Variants in DLG2 observed in about 807,000 individuals in gnomAD.
The protein encoded by DLG2 is disks large homolog 2.
Under a neutral mutation model 132.5 loss-of-function variants are expected in DLG2, and 45 were observed. The ratio of observed to expected loss-of-function variants is 0.34; its 90% CI spans 0.27 to 0.44. The LOEUF is 0.44. DLG2 is among the 20% of genes least tolerant of loss of function. The pLI is 1.00. For missense variants in DLG2, 1,045 were observed against 1,196.9 expected, an observed-to-expected ratio of 0.87 and a Z score of 1.87; for synonymous variants, 424 against 419.6, an observed-to-expected ratio of 1.01 and a Z score of -0.13.
chr11:83,849,342 A>AT (rs1413263568), intron 16 of DLG2, among the ~76,000 whole-genome samples: 1 of 148,674 alleles, frequency 6.7e-6, no homozygotes, highest in African/African-American at 2.4e-5. Flanking sequence ...TAAATAATAA[A>AT]CAAATAAAAA....
chr11:85,583,991 T>C (rs2078797003), intron 3 of DLG2, among the ~76,000 whole-genome samples: 1 of 152,172 alleles, frequency 6.6e-6, no homozygotes, highest in African/African-American at 2.4e-5. Flanking sequence ...ATCCAGTTTA[T>C]TTTTTTCTAA....
chr11:84,969,412 T>C (rs185945254), intron 6 of DLG2, among the ~76,000 whole-genome samples: 432 of 152,304 alleles, frequency 2.8e-3, no homozygotes, highest in Non-Finnish European at 4.5e-3. Context: ...GTGGCTCTCA[T>C]TCTCTTCTCT....
intron 6 of DLG2, among the ~76,000 whole-genome samples, chr11:85,013,660 T>C (rs1413086312): frequency 6.6e-6 from 1 of 152,110 alleles, no homozygotes; most frequent in Non-Finnish European, 1.5e-5. Flanking sequence ...AATCTTCAAA[T>C]ATAGAAGGAA....
intron 16 of DLG2, among the ~76,000 whole-genome samples, chr11:83,836,684 A>G (rs1277369501): frequency 6.6e-6 from 1 of 152,188 alleles, no homozygotes; most frequent in East Asian, 1.9e-4. Context: ...GGTAGATATC[A>G]TGGGTCCCTC....
intron 6 of DLG2, among the ~76,000 whole-genome samples, chr11:84,842,719 G>C (rs1447274408): frequency 6.6e-6 from 1 of 151,834 alleles, no homozygotes; most frequent in Non-Finnish European, 1.5e-5. Context: ...TTTTGCAATG[G>C]AAGAGAAATA....
chr11:83,543,655 G>A (rs533647132), intron 19 of DLG2, among the ~76,000 whole-genome samples: 2 of 152,158 alleles, frequency 1.3e-5, no homozygotes, highest in African/African-American at 2.4e-5. Context: ...TGGGTAAAAT[G>A]TTACATAAGG....
chr11:83,510,304 C>T (rs373261131), intron 21 of DLG2, among the ~76,000 whole-genome samples: 1 of 148,898 alleles, frequency 6.7e-6, no homozygotes, highest in Non-Finnish European at 1.5e-5. Flanking sequence ...GCTGACAGTG[C>T]GCTCTTTACC....
Position 85,066,215 on chromosome 11 carries a change from C to T in DLG2, c.357+45446G>A, listed in dbSNP as rs557000068. Among the ~76,000 whole-genome samples, 6 of 151,620 alleles carry T rather than the reference C, an allele frequency of 4.0e-5. 1 individual carries two copies. The highest frequency in any genetic ancestry group is 2.1e-4 in the South Asian group (1 of 4,810). The stretch of plus-strand genomic sequence containing the variant: ...TAAAGCCAGAAAAGATGAACAAATT[C>T]CTGGAAACAAACAACCTCCCAAGAA... On this transcript the variant is annotated intron_variant, in intron 6 of 27. Coordinates refer to ENST00000376104, the MANE Select transcript of DLG2 (RefSeq NM_001142699.3).
At chr11:83,491,280 A>G (rs1367068772) in intron 21 of DLG2, among the ~76,000 whole-genome samples, 2 of 151,944 alleles carry the variant, frequency 1.3e-5, no homozygotes, top group Admixed American at 1.3e-4. Context: ...GAAAAATCAA[A>G]TCCCAACGAC....
At chr11:84,015,196 T>C (rs1353145508) in intron 11 of DLG2, among the ~76,000 whole-genome samples, 4 of 152,174 alleles carry the variant, frequency 2.6e-5, no homozygotes, top group Admixed American at 1.3e-4. Context: ...GAGGCTACTA[T>C]GGCTTAATTC....
At chr11:84,624,657 G>C (rs1217115630) in intron 6 of DLG2, among the ~76,000 whole-genome samples, 1 of 151,294 alleles carries the variant, frequency 6.6e-6, no homozygotes, top group African/African-American at 2.4e-5. Flanking sequence ...AGGGACTAAA[G>C]ATTTACTCAT....
intron 3 of DLG2, among the ~76,000 whole-genome samples, chr11:85,578,316 T>C (rs2078287310): frequency 1.3e-5 from 2 of 152,180 alleles, no homozygotes. Context: ...AATGCCATTC[T>C]GGACATGGGA....
At chr11:85,355,669 T>C (rs1165614612) in intron 3 of DLG2, among the ~76,000 whole-genome samples, 3 of 152,180 alleles carry the variant, frequency 2.0e-5, no homozygotes, top group Admixed American at 1.3e-4. Context: ...TTTTTATTTT[T>C]AATAAAATGT....
At chr11:84,478,261 T>C (rs1357503870) in intron 7 of DLG2, among the ~76,000 whole-genome samples, 3 of 152,174 alleles carry the variant, frequency 2.0e-5, no homozygotes, top group Non-Finnish European at 4.4e-5. Flanking sequence ...GAGATGATAC[T>C]TATAATGTGT....
At chr11:83,534,892 T>G (rs553664284) in intron 20 of DLG2, among the ~76,000 whole-genome samples, 32 of 152,154 alleles carry the variant, frequency 2.1e-4, no homozygotes, top group Middle Eastern at 3.2e-3. Context: ...GCAGTGAGCC[T>G]AGATCATGCT....
At chr11:84,720,550 G>A (rs1362661374) in intron 6 of DLG2, 3 of 922,484 alleles carry the variant, frequency 3.3e-6, no homozygotes, top group Middle Eastern at 5.4e-4. Context: ...AAGCAACGCC[G>A]CGGGCAAGTA....
intron 7 of DLG2, among the ~76,000 whole-genome samples, chr11:84,376,319 G>C (rs1266388969): frequency 6.6e-6 from 1 of 151,938 alleles, no homozygotes; most frequent in Non-Finnish European, 1.5e-5. Flanking sequence ...TCCCAACTCA[G>C]ATTCTATGGA....
At chr11:85,295,758 A>C (rs979687441) in intron 3 of DLG2, among the ~76,000 whole-genome samples, 2 of 152,134 alleles carry the variant, frequency 1.3e-5, no homozygotes, top group Admixed American at 1.3e-4. Flanking sequence ...AACCTAAGGA[A>C]CTCTCAAAAA....
chr11:84,118,273 A>C (rs1894169), intron 9 of DLG2, among the ~76,000 whole-genome samples: 112,647 of 152,080 alleles, frequency 0.74, 43,167 homozygotes, highest in Middle Eastern at 0.88. Context: ...AGAAGAAAAA[A>C]TTTGTTCAGC....
Sources: gnomAD v4.1 joint callset for allele counts (sites outside exome capture counted in the v4.1 genomes callset) on GRCh38, gnomAD v4.1.1 for gene constraint, MANE v1.5 for transcripts, NCBI Gene and HGNC (gene_info 2026-07-23, HGNC 2026-07-21) for gene names.